The following MAPK9 variants were observed in gnomAD, a reference collection of about 807,000 sequenced individuals.
MAPK9 encodes the protein Jun kinase.
Under a neutral mutation model 57.1 loss-of-function variants are expected in MAPK9, and 30 were observed. The observed-to-expected ratio is 0.53, with a 90% CI of 0.39 to 0.71. The LOEUF is 0.71. Among genes scored for constraint, MAPK9 ranks in the 30% least tolerant of loss-of-function variants. The pLI is 0.00. For synonymous variants in MAPK9, 155 were observed against 177.0 expected (o/e 0.88, Z 0.99); for missense variants, 362 against 521.0 (o/e 0.69, Z 2.97).
chr5:180,236,609 C>T (rs941142466), intron 11 of MAPK9, 83 bp from the exon 12 acceptor site: 12 of 1,481,030 alleles, frequency 8.1e-6, no homozygotes, highest in African/African-American at 1.4e-5. Context: ...GGCCATTTCT[C>T]GGCTCTGTCC....
At chr5:180,265,378 C>T (rs931673269) in intron 3 of MAPK9, among the ~76,000 whole-genome samples, 14 of 152,180 alleles carry the variant, frequency 9.2e-5, no homozygotes, top group African/African-American at 2.9e-4. Context: ...ATAATCCCCA[C>T]GTGTCTAGGG....
intron 1 of MAPK9, among the ~76,000 whole-genome samples, chr5:180,282,887 A>T (rs889198607): frequency 3.9e-5 from 6 of 152,286 alleles, no homozygotes; most frequent in East Asian, 1.9e-4. Context: ...AGGGTGAAGA[A>T]GATTTGGGGG....
intron 8 of MAPK9, 125 bp from the exon 9 acceptor site, chr5:180,241,280 G>T: frequency 1.9e-6 from 2 of 1,056,248 alleles, no homozygotes; most frequent in Non-Finnish European, 1.3e-6. Context: ...ATGTTTGATA[G>T]GTTCAAGATG....
At chr5:180,259,779 A>C (rs531706687) in intron 5 of MAPK9, among the ~76,000 whole-genome samples, 1 of 152,242 alleles carries the variant, frequency 6.6e-6, no homozygotes, top group African/African-American at 2.4e-5. Context: ...CCAGTTCTCT[A>C]TGTAAACATG....
At chr5:180,290,943 T>G (rs77251925) in intron 1 of MAPK9, among the ~76,000 whole-genome samples, 1 of 152,140 alleles carries the variant, frequency 6.6e-6, no homozygotes, top group Non-Finnish European at 1.5e-5. Context: ...ATAAATAGAA[T>G]AGTTTCAAAC....
intron 2 of MAPK9, among the ~76,000 whole-genome samples, chr5:180,272,225 A>G (rs1439175920): frequency 6.6e-6 from 1 of 152,208 alleles, no homozygotes; most frequent in Non-Finnish European, 1.5e-5. Context: ...GCTGGAGTAC[A>G]TCCTCAAGGA....
At chr5:180,260,982 C>T (rs944155376) in intron 5 of MAPK9, among the ~76,000 whole-genome samples, 9 of 151,814 alleles carry the variant, frequency 5.9e-5, no homozygotes, top group Non-Finnish European at 1.2e-4. Context: ...CTTACACAGC[C>T]GTACAAGTAA....
chr5:180,248,115 G>C (rs546106478), intron 6 of MAPK9, among the ~76,000 whole-genome samples: 1 of 152,378 alleles, frequency 6.6e-6, no homozygotes, highest in African/African-American at 2.4e-5. Flanking sequence ...ACTCACTGGC[G>C]GCACAGGCTG....
chr5:180,291,571 G>C (rs1480230941), intron 1 of MAPK9, among the ~76,000 whole-genome samples: 1 of 152,092 alleles, frequency 6.6e-6, no homozygotes, highest in African/African-American at 2.4e-5. Context: ...GAGTGCAGCT[G>C]TCTGCCCCAC....
At chr5:180,237,398 G>A (rs1757257051) in intron 11 of MAPK9, 1 of 152,178 alleles carries the variant, frequency 6.6e-6, no homozygotes, top group Admixed American at 6.5e-5. Context: ...TAGTAAACAG[G>A]AAGAATCCTT....
chr5:180,279,739 T>C (rs1581299877), intron 2 of MAPK9: 3 of 378,280 alleles, frequency 7.9e-6, no homozygotes, highest in African/African-American at 6.6e-5. Flanking sequence ...AAATAAGGGG[T>C]AAAAAGTGTG....
At chr5:180,278,328 T>C (rs1762009843) in intron 2 of MAPK9, among the ~76,000 whole-genome samples, 1 of 152,240 alleles carries the variant, frequency 6.6e-6, no homozygotes, top group Non-Finnish European at 1.5e-5. Flanking sequence ...TTCTACAATA[T>C]ACACTATTCA....
intron 1 of MAPK9, among the ~76,000 whole-genome samples, chr5:180,281,657 TGTG>T (rs1378074504): frequency 6.6e-6 from 1 of 152,256 alleles, no homozygotes; most frequent in African/African-American, 2.4e-5. Flanking sequence ...ATGAGATTTT[TGTG>T]GTGATGATTT....
intron 1 of MAPK9, among the ~76,000 whole-genome samples, chr5:180,282,930 A>G (rs919685477): frequency 1.3e-5 from 2 of 152,166 alleles, no homozygotes; most frequent in Non-Finnish European, 2.9e-5. Flanking sequence ...GCGGAGGCAC[A>G]TTCGGAATGT....
At position 180,280,628 on chromosome 5, in the gene MAPK9, G is replaced by A. The variant is rs982961945; in HGVS notation, c.-47-20C>T. On this transcript the variant is annotated intron_variant, in intron 1 of 11. Transcript: ENST00000452135. ...AGATCCCTTCAAAGAAAAACAGAAT[G>A]AACGTGCATTCTTACCGGAAGTACA... is the stretch of plus-strand genomic sequence containing the variant. The A allele has an allele frequency of 7.0e-6, 11 of 1,575,476 alleles. No homozygotes were observed. The highest frequency in any genetic ancestry group is 9.5e-6 in the Non-Finnish European group (11 of 1,157,458).
intron 3 of MAPK9, among the ~76,000 whole-genome samples, chr5:180,267,126 T>C (rs1311026553): frequency 6.6e-6 from 1 of 152,236 alleles, no homozygotes; most frequent in Non-Finnish European, 1.5e-5. Flanking sequence ...CTTGTGCACA[T>C]GTATGCATAA....
intron 5 of MAPK9, among the ~76,000 whole-genome samples, chr5:180,251,575 C>A (rs892143797): frequency 2.6e-5 from 4 of 152,198 alleles, no homozygotes; most frequent in African/African-American, 9.7e-5. Flanking sequence ...GCTCTCCCCG[C>A]ACCCTGGGAC....
intron 1 of MAPK9, among the ~76,000 whole-genome samples, chr5:180,289,429 A>G (rs1400546326): frequency 6.6e-6 from 1 of 152,182 alleles, no homozygotes; most frequent in Non-Finnish European, 1.5e-5. Context: ...AAAAAAGTTA[A>G]ATGGAGGAAA....
intron 6 of MAPK9, chr5:180,248,003 C>T (rs1421527227): frequency 1.4e-6 from 2 of 1,384,906 alleles, no homozygotes; most frequent in Admixed American, 4.0e-5. Context: ...AGGACAAACC[C>T]GGTACACGTC....
Sources: gnomAD v4.1 joint callset for allele counts (sites outside exome capture counted in the v4.1 genomes callset) on GRCh38, gnomAD v4.1.1 for gene constraint, MANE v1.5 for transcripts, NCBI Gene and HGNC (gene_info 2026-07-23, HGNC 2026-07-21) for gene names.